Variants in ADCY3 observed in about 807,000 individuals in gnomAD.
ADCY3 encodes the protein adenylate cyclase 3.
A neutral mutation model predicts 119.4 loss-of-function variants in ADCY3; 70 were observed. That is an observed-to-expected ratio of 0.59 (90% CI 0.48 to 0.72). ADCY3 has a LOEUF of 0.72. Ranked by LOEUF, ADCY3 falls within the 30% of genes least tolerant of loss-of-function variation. ADCY3 has a pLI of 0.00. For missense variants in ADCY3, 1,238 were observed against 1,541.6 expected (o/e 0.80, Z 3.30); for synonymous variants, 672 against 621.4 (o/e 1.08, Z -1.21).
chr2:24,909,094 A>G (rs1663263130), intron 2 of ADCY3, among the ~76,000 whole-genome samples: 1 of 152,290 alleles, frequency 6.6e-6, no homozygotes, highest in Non-Finnish European at 1.5e-5. Context: ...AAGGTGTTCA[A>G]TAACTTTCCA....
rs1670017325 is a variant in ADCY3, at chr2:24,834,462, G to A, written c.1967+23C>T. ...ACCACCGCAGCCGAGGAAACTCGTG[G>A]CCCTCCCCGGCCCCTCCCTCACCAG... On this transcript the variant is annotated intron_variant, in intron 11 of 21. Coordinates refer to ENST00000679454, the MANE Select transcript of ADCY3 (RefSeq NM_004036.5). The surrounding 1 kb of genome is among the most constrained non-coding windows in gnomAD (Gnocchi z 4.2). The A allele has an allele frequency of 2.6e-6, 4 of 1,567,282 alleles. No homozygotes were observed. Among genetic ancestry groups the A allele is most frequent in the Non-Finnish European group, 3.5e-6 (4 of 1,154,908 alleles).
intron 3 of ADCY3, among the ~76,000 whole-genome samples, chr2:24,843,656 C>T (rs985472639): frequency 5.9e-5 from 9 of 152,214 alleles, no homozygotes; most frequent in Non-Finnish European, 8.8e-5. Context: ...TGGGCGGTGC[C>T]GGTCTCTGGA....
At chr2:24,914,647 C>G (rs1300952177) in intron 2 of ADCY3, among the ~76,000 whole-genome samples, 1 of 149,344 alleles carries the variant, frequency 6.7e-6, no homozygotes, top group Non-Finnish European at 1.5e-5. Context: ...TGCACTCCAG[C>G]CTCAGAAATA....
chr2:24,832,421 T>G (rs1302837395), intron 11 of ADCY3, among the ~76,000 whole-genome samples: 1 of 152,128 alleles, frequency 6.6e-6, no homozygotes, highest in African/African-American at 2.4e-5. Flanking sequence ...AGAGTCTGCC[T>G]GTGACAGCCA....
intron 2 of ADCY3, among the ~76,000 whole-genome samples, chr2:24,911,711 C>CGT (rs376992455): frequency 0.058 from 8,432 of 146,038 alleles, 429 homozygotes; most frequent in African/African-American, 0.14. Flanking sequence ...TGGTTGTGTA[C>CGT]GTGTGTGTGT....
intron 2 of ADCY3, among the ~76,000 whole-genome samples, chr2:24,881,479 G>A (rs534612045): frequency 2.0e-5 from 3 of 152,376 alleles, no homozygotes; most frequent in Admixed American, 2.0e-4. Flanking sequence ...GGGTGGAGAA[G>A]ACACTAGCAG....
At chr2:24,882,778 C>T (rs548130841) in intron 2 of ADCY3, among the ~76,000 whole-genome samples, 7 of 152,174 alleles carry the variant, frequency 4.6e-5, no homozygotes, top group Admixed American at 6.5e-5. Flanking sequence ...TAGCAGTGGC[C>T]GGGCACCGTG....
In ADCY3 at chr2:24,878,014, G is replaced by T; in HGVS notation, c.676-5295C>A. 2.1e-6 allele frequency: 1 copy of T among 466,566 alleles called. No homozygotes were observed. The allele number at this position is 466,566 out of a possible 1,614,324, so 28.9% of individuals were successfully genotyped here. A position where few individuals can be genotyped will look rare whatever the true frequency, so the allele number is the denominator to read the frequency against. On this transcript the variant is annotated intron_variant, in intron 2 of 21. Transcript: ENST00000679454. This position sits in a 1 kb window ranked among gnomAD's most constrained non-coding sequence, Gnocchi z 4.0. ...CCTTTAGACTGCACAGCACGATCAG[G>T]CTCTGTGGTGACAGAGGTCCACAGC...
intron 17 of ADCY3, 147 bp downstream of exon 17, chr2:24,824,231 T>A: frequency 1.0e-6 from 1 of 997,798 alleles, no homozygotes. Context: ...CTCTTTTGCT[T>A]ATTTGTGTTT....
intron 20 of ADCY3, 81 bp from the exon 21 acceptor site, chr2:24,820,929 TG>T: frequency 6.4e-7 from 1 of 1,555,908 alleles, no homozygotes; most frequent in Non-Finnish European, 8.7e-7. Flanking sequence ...TCTCCAGACC[TG>T]TACCACAAAG....
intron 3 of ADCY3, among the ~76,000 whole-genome samples, chr2:24,851,786 C>T (rs573163027): frequency 6.6e-6 from 1 of 152,258 alleles, no homozygotes; most frequent in Admixed American, 6.5e-5. Context: ...GACCTTCAGG[C>T]CTCTCAAATG....
chr2:24,820,086 C>A lies in ADCY3; in HGVS notation c.3281G>T (p.Arg1094Leu). The change falls in exon 22 of 22, where the codon CGA (arginine) becomes CTA (leucine). Residue 1094 changes from arginine (R) to leucine (L), a missense_variant. Transcript: ENST00000679454. The stretch of plus-strand genomic sequence containing the variant: ...CCTCACAAAGCGGAAGCCGTACTCT[C>A]GGAGGATGACTTGGGTTTCTTCTAC... ...QVVEETQVIL[R>L]EYGFRFVRRG... is the part of the protein sequence containing the mutation. The A allele has an allele frequency of 6.7e-7, 1 of 1,483,166 alleles. No homozygotes were observed. Among genetic ancestry groups the A allele is most frequent in the Non-Finnish European group, 9.0e-7 (1 of 1,106,156 alleles). 91.9% of individuals were successfully genotyped at this position (1,483,166 alleles called of 1,614,324 possible).
chr2:24,869,266 T>TG (rs1674679892), intron 3 of ADCY3, among the ~76,000 whole-genome samples: 1 of 152,138 alleles, frequency 6.6e-6, no homozygotes, highest in Non-Finnish European at 1.5e-5. Flanking sequence ...GACATGTTTC[T>TG]GGGGGAAAAA....
At chr2:24,901,404 T>C (rs1461093329) in intron 2 of ADCY3, among the ~76,000 whole-genome samples, 1 of 152,232 alleles carries the variant, frequency 6.6e-6, no homozygotes, top group Non-Finnish European at 1.5e-5. Flanking sequence ...AAAATATGGA[T>C]GTGAAAGAAA....
chr2:24,821,682 C>G lies in ADCY3; in HGVS notation c.3004-42G>C. The G allele has an allele frequency of 1.9e-6, 3 of 1,604,434 alleles. No individual in the cohort carries two copies. The South Asian group carries it at 3.3e-5, about 18-fold the overall frequency. On this transcript the variant is annotated intron_variant, in intron 19 of 21. Coordinates refer to ENST00000679454, the MANE Select transcript of ADCY3 (RefSeq NM_004036.5). The stretch of plus-strand genomic sequence containing the variant: ...TGGAGAAAGTGTCAGGGGCCGCTCA[C>G]TGCAGCAGCCTGCTCTGCTGCCTTC...
intron 20 of ADCY3, 141 bp from the exon 21 acceptor site, chr2:24,820,989 T>C (rs573117879): frequency 8.0e-5 from 101 of 1,254,670 alleles, no homozygotes; most frequent in Non-Finnish European, 1.0e-4. Context: ...CTGTATGCTA[T>C]TGGAGGGTGG....
intron 3 of ADCY3, among the ~76,000 whole-genome samples, chr2:24,868,944 A>C (rs1176905914): frequency 1.3e-5 from 2 of 152,056 alleles, no homozygotes; most frequent in Admixed American, 1.3e-4. Flanking sequence ...GAATGGCGTG[A>C]ACCCGGGAGG....
Position 24,841,097 on chromosome 2 carries a change from C to G in ADCY3, c.1196+162G>C, listed in dbSNP as rs534370216. 1.3e-5 allele frequency among the ~76,000 whole-genome samples: 2 copies of G among 152,208 alleles called. No homozygotes were observed. The highest frequency in any genetic ancestry group is 2.9e-5 in the Non-Finnish European group (2 of 68,016). On this transcript the variant is annotated intron_variant, in intron 6 of 21. Coordinates refer to ENST00000679454, the MANE Select transcript of ADCY3 (RefSeq NM_004036.5). This position sits in a 1 kb window ranked among gnomAD's most constrained non-coding sequence, Gnocchi z 5.8. ...GTAAGCCACATCCCAGCTTCTAGAGCGGGAGCCTGCGCCACCCATCAACCA... is the reference window on the plus strand; with the variant it reads ...GTAAGCCACATCCCAGCTTCTAGAGGGGGAGCCTGCGCCACCCATCAACCA...
Position 24,842,428 on chromosome 2 carries a change from T to A in ADCY3, c.826-44A>T. 1 of 1,612,298 alleles carries A rather than the reference T, an allele frequency of 6.2e-7. No homozygotes were observed. The highest frequency in any genetic ancestry group is 8.5e-7 in the Non-Finnish European group (1 of 1,179,090). On this transcript the variant is annotated intron_variant, in intron 3 of 21. Transcript: ENST00000679454. The surrounding 1 kb of genome is among the most constrained non-coding windows in gnomAD (Gnocchi z 4.9). ...GGTCAGAGGCAAAGGTAGGCCCTGC[T>A]AGAGGCAAGTTCAGATACTTCTGGG...
Sources: gnomAD v4.1 joint callset for allele counts (sites outside exome capture counted in the v4.1 genomes callset) on GRCh38, gnomAD v4.1.1 for gene constraint, Gnocchi (gnomAD v3.1) non-coding constraint, MANE v1.5 for transcripts, NCBI Gene and HGNC (gene_info 2026-07-23, HGNC 2026-07-21) for gene names.